Variants in ELAPOR2 observed in about 807,000 individuals in gnomAD.
The protein encoded by ELAPOR2 is endosome/lysosome-associated apoptosis and autophagy regulator family member 2.
A neutral mutation model predicts 120.7 loss-of-function variants in ELAPOR2; 89 were observed. The ratio of observed to expected loss-of-function variants is 0.74; its 90% CI spans 0.62 to 0.88. The LOEUF is 0.88. Among genes scored for constraint, ELAPOR2 ranks in the 40% least tolerant of loss-of-function variants. ELAPOR2 has a pLI of 0.00. For missense variants in ELAPOR2, 1,134 were observed against 1,251.6 expected (o/e 0.91, Z 1.42); for synonymous variants, 444 against 444.9 (o/e 1.00, Z 0.03).
intron 1 of ELAPOR2, among the ~76,000 whole-genome samples, chr7:86,978,306 T>C (rs973083362): frequency 2.1e-4 from 32 of 152,310 alleles, no homozygotes; most frequent in Admixed American, 5.9e-4. Flanking sequence ...CTTTTTCCTT[T>C]ATAAATTACC....
chr7:86,925,061 A>G (rs1382991016), intron 10 of ELAPOR2, among the ~76,000 whole-genome samples: 1 of 152,024 alleles, frequency 6.6e-6, no homozygotes, highest in African/African-American at 2.4e-5. Flanking sequence ...ACATTTTCAA[A>G]TTTTCAATAG....
At chr7:86,896,989 AAAAAT>A (rs1239102650) in intron 19 of ELAPOR2, among the ~76,000 whole-genome samples, 1 of 152,080 alleles carries the variant, frequency 6.6e-6, no homozygotes, top group Non-Finnish European at 1.5e-5. Context: ...AAATTATATA[AAAAAT>A]AAAATATCTA....
intron 1 of ELAPOR2, among the ~76,000 whole-genome samples, chr7:87,040,570 A>C (rs1794749861): frequency 1.3e-5 from 2 of 152,014 alleles, no homozygotes; most frequent in Non-Finnish European, 2.9e-5. Flanking sequence ...GTTAGAAGGA[A>C]AACTAACAAA....
chr7:86,917,166 T>TTTGGGAGG, intron 12 of ELAPOR2, among the ~76,000 whole-genome samples: 1 of 151,978 alleles, frequency 6.6e-6, no homozygotes, highest in Admixed American at 6.6e-5. Flanking sequence ...ACACCTGTAA[T>TTTGGGAGG]CCCAGCACTT....
chr7:87,025,156 A>C (rs1455470919), intron 1 of ELAPOR2, among the ~76,000 whole-genome samples: 1 of 152,100 alleles, frequency 6.6e-6, no homozygotes, highest in Non-Finnish European at 1.5e-5. Context: ...AAATGTCTAA[A>C]TTCAATTCGT....
intron 1 of ELAPOR2, among the ~76,000 whole-genome samples, chr7:87,052,956 C>T (rs1266827748): frequency 6.6e-6 from 1 of 151,960 alleles, no homozygotes; most frequent in Non-Finnish European, 1.5e-5. Context: ...GCCACCATGC[C>T]CAGCTGATTT....
chr7:86,892,793 T>TTTC (rs1643866245), intron 20 of ELAPOR2, 129 bp downstream of exon 20: 1 of 787,406 alleles, frequency 1.3e-6, no homozygotes, highest in Non-Finnish European at 1.8e-6. Flanking sequence ...TTTCCTATGA[T>TTTC]TTCTTCGCAA....
intron 1 of ELAPOR2, among the ~76,000 whole-genome samples, chr7:87,050,516 A>G (rs939050273): frequency 3.9e-5 from 6 of 152,120 alleles, no homozygotes; most frequent in Admixed American, 6.6e-5. Context: ...GAGGCCCAGC[A>G]TCTGCCAGCA....
At chr7:86,927,038 A>G in intron 8 of ELAPOR2, 122 bp from the exon 9 acceptor site, 1 of 808,912 alleles carries the variant, frequency 1.2e-6, no homozygotes, top group Non-Finnish European at 1.8e-6. Flanking sequence ...AGCTGACAGA[A>G]TCTAAAACAT....
intron 10 of ELAPOR2, among the ~76,000 whole-genome samples, chr7:86,922,114 G>T (rs1562923774): frequency 6.6e-6 from 1 of 151,732 alleles, no homozygotes; most frequent in South Asian, 2.1e-4. Context: ...GCCTTTTACT[G>T]TGCCCTGGTT....
chr7:86,880,546 A>G lies in ELAPOR2; in HGVS notation c.3031-16T>C. 1 of 1,520,782 alleles carries G rather than the reference A, an allele frequency of 6.6e-7. No individual in the cohort carries two copies. Among genetic ancestry groups the G allele is most frequent in the Middle Eastern group, 1.7e-4 (1 of 5,806 alleles). The allele number at this position is 1,520,782 out of a possible 1,614,324, so 94.2% of individuals were successfully genotyped here. A position where few individuals can be genotyped will look rare whatever the true frequency, so the allele number is the denominator to read the frequency against. ...CTTCTTTTTCCTAAGAAAAAATATT[A>G]AAGACAAAATCAACTCACTGAAATT... is the stretch of plus-strand genomic sequence containing the variant. On this transcript the variant is annotated splice_polypyrimidine_tract_variant and intron_variant, in intron 21 of 21. Coordinates refer to ENST00000450689, the MANE Select transcript of ELAPOR2 (RefSeq NM_001142749.3).
At chr7:86,929,081 T>A (rs879666412) in intron 8 of ELAPOR2, among the ~76,000 whole-genome samples, 18 of 151,850 alleles carry the variant, frequency 1.2e-4, no homozygotes, top group Non-Finnish European at 2.1e-4. Flanking sequence ...AATTTACCAG[T>A]TTATTATTAA....
chr7:87,024,782 CAAAT>C (rs1794189507), intron 1 of ELAPOR2, among the ~76,000 whole-genome samples: 1 of 151,978 alleles, frequency 6.6e-6, no homozygotes, highest in Admixed American at 6.6e-5. Context: ...CACCTCTACA[CAAAT>C]AAACTAGAAA....
At chr7:86,924,010 T>A (rs1562924863) in intron 10 of ELAPOR2, among the ~76,000 whole-genome samples, 1 of 152,052 alleles carries the variant, frequency 6.6e-6, no homozygotes, top group Non-Finnish European at 1.5e-5. Context: ...ACTCCATGCC[T>A]TAGTGGGTGA....
rs779084393 is a variant in ELAPOR2, at chr7:86,909,909, C to T, written c.2262G>A (p.Gly754=). 5 of 1,613,034 alleles carry T rather than the reference C, an allele frequency of 3.1e-6. No individual in the cohort carries two copies. Among genetic ancestry groups the T allele is most frequent in the East Asian group, 2.2e-5 (1 of 44,834 alleles). ...AGSDDYTNLV[G]AFVCQSTIIP... is the part of the protein sequence containing the mutation. ...TAATTGTTGACTGGCATACAAATGC[C>T]CCTACCAAATTTGTGTAATCATCTG... The change falls in exon 16 of 22, where the codon GGG becomes GGA. Residue 754 remains glycine (G), a synonymous_variant. Transcript: ENST00000450689.
At chr7:87,049,141 T>G (rs1795031983) in intron 1 of ELAPOR2, among the ~76,000 whole-genome samples, 1 of 152,202 alleles carries the variant, frequency 6.6e-6, no homozygotes, top group Admixed American at 6.5e-5. Flanking sequence ...TATATGAAGC[T>G]TACAATTTAT....
chr7:86,945,033 G>A lies in ELAPOR2; in HGVS notation c.520C>T (p.Pro174Ser). ...PDGCNNSSWI[P>S]RGNYIESNRD... The stretch of plus-strand genomic sequence containing the variant: ...TTAGATTCTATGTAGTTTCCACGAG[G>A]GATCCAAGAAGAGCTGTGGAAACAA... The change falls in exon 4 of 22, where the codon CCT becomes TCT. Residue 174 changes from proline (P) to serine (S), a missense_variant. Pro to Ser is a moderately conservative substitution (Grantham distance 74, BLOSUM62 -1). Coordinates refer to ENST00000450689, the MANE Select transcript of ELAPOR2 (RefSeq NM_001142749.3). The A allele has an allele frequency of 6.5e-7, 1 of 1,548,714 alleles. No homozygotes were observed. The highest frequency in any genetic ancestry group is 8.7e-7 in the Non-Finnish European group (1 of 1,146,190).
intron 1 of ELAPOR2, among the ~76,000 whole-genome samples, chr7:86,976,007 G>A (rs1406983628): frequency 6.6e-6 from 1 of 152,072 alleles, no homozygotes; most frequent in Admixed American, 6.6e-5. Flanking sequence ...ACTGGGAGAG[G>A]GGAAATGGGA....
intron 3 of ELAPOR2, 106 bp from the exon 4 acceptor site, chr7:86,945,152 A>G (rs1790949440): frequency 1.0e-6 from 1 of 985,970 alleles, no homozygotes; most frequent in South Asian, 1.7e-5. Flanking sequence ...AGCAAAGTAC[A>G]GCAGAAAACA....
Sources: allele counts gnomAD v4.1 joint callset (sites outside exome capture counted in the v4.1 genomes callset), GRCh38; gene constraint gnomAD v4.1.1; transcripts MANE v1.5; gene names NCBI Gene and HGNC (gene_info 2026-07-23, HGNC 2026-07-21).